TENM2: variants seen among roughly 807,000 people sequenced by gnomAD.
The protein encoded by TENM2 is teneurin-2.
Under a neutral mutation model 245.2 loss-of-function variants are expected in TENM2, and 52 were observed. That is an observed-to-expected ratio of 0.21 (90% CI 0.17 to 0.27). TENM2 has a LOEUF of 0.27. TENM2 is among the 10% of genes least tolerant of loss of function. The pLI is 1.00. For synonymous variants in TENM2, 1,363 were observed against 1,438.9 expected (o/e 0.95, Z 1.19); for missense variants, 3,046 against 3,666.8 (o/e 0.83, Z 4.37).
chr5:167,834,799 G>A (rs950630883), intron 2 of TENM2, among the ~76,000 whole-genome samples: 2 of 152,014 alleles, frequency 1.3e-5, no homozygotes, highest in Non-Finnish European at 2.9e-5. Flanking sequence ...ACAGGCGCCC[G>A]CCACCACGCC....
intron 2 of TENM2, among the ~76,000 whole-genome samples, chr5:167,760,138 G>A (rs1371991992): frequency 6.6e-6 from 1 of 152,090 alleles, no homozygotes; most frequent in Non-Finnish European, 1.5e-5. Flanking sequence ...CTCTTCACTG[G>A]TTAAAACTCC....
the TENM2 span, among the ~76,000 whole-genome samples, chr5:167,182,750 G>A: frequency 2.6e-5 from 4 of 152,056 alleles, no homozygotes; most frequent in African/African-American, 7.2e-5. Flanking sequence ...CAGACGTGGT[G>A]ATACCAGATC....
chr5:167,961,939 T>G (rs1383893641), intron 4 of TENM2, among the ~76,000 whole-genome samples: 5 of 152,182 alleles, frequency 3.3e-5, no homozygotes, highest in Non-Finnish European at 7.3e-5. Context: ...TGGCAATGAG[T>G]CTTCCCTTAG....
chr5:167,617,189 T>C (rs1471473711), intron 2 of TENM2, among the ~76,000 whole-genome samples: 2 of 152,274 alleles, frequency 1.3e-5, no homozygotes, highest in East Asian at 3.9e-4. Flanking sequence ...TAATGTATTT[T>C]CTCTGCATTT....
At chr5:167,549,633 G>A (rs1228026317) in intron 2 of TENM2, among the ~76,000 whole-genome samples, 3 of 152,006 alleles carry the variant, frequency 2.0e-5, no homozygotes, top group Admixed American at 6.6e-5. Context: ...TCTCAATAAT[G>A]GCAATGGAGA....
intron 3 of TENM2, among the ~76,000 whole-genome samples, chr5:167,912,496 T>C (rs1776624317): frequency 6.6e-6 from 1 of 152,214 alleles, no homozygotes; most frequent in South Asian, 2.1e-4. Context: ...TGGTAGCACA[T>C]AGTAGTCACT....
the TENM2 span, among the ~76,000 whole-genome samples, chr5:167,044,260 A>G: frequency 0.63 from 95,547 of 151,980 alleles, 32,101 homozygotes; most frequent in African/African-American, 0.88. Flanking sequence ...TTAGGAGAGG[A>G]ACAAAGGAAA....
chr5:168,016,572 A>ATG (rs1449198918), intron 5 of TENM2, among the ~76,000 whole-genome samples: 1 of 152,194 alleles, frequency 6.6e-6, no homozygotes, highest in African/African-American at 2.4e-5. Context: ...TCCAACACCC[A>ATG]TGTTAACGTA....
At chr5:168,048,726 T>G (rs1325442501) in intron 6 of TENM2, among the ~76,000 whole-genome samples, 1 of 152,228 alleles carries the variant, frequency 6.6e-6, no homozygotes, top group African/African-American at 2.4e-5. Context: ...GAGATGCTAA[T>G]GCTGCTTCAA....
At chr5:168,208,021 C>A (rs1005230738) in intron 19 of TENM2, among the ~76,000 whole-genome samples, 2 of 152,200 alleles carry the variant, frequency 1.3e-5, no homozygotes, top group Non-Finnish European at 2.9e-5. Context: ...GTTCCCACTG[C>A]CCATTCCAAG....
chr5:167,543,198 C>T lies in TENM2; in HGVS notation c.502+167725C>T, dbSNP rs1772328507. 2.0e-5 allele frequency among the ~76,000 whole-genome samples: 3 copies of T among 152,164 alleles called. No homozygotes were observed. In the South Asian group the frequency reaches 6.2e-4, roughly 31 times the overall value. On this transcript the variant is annotated intron_variant, in intron 2 of 28. Transcript: ENST00000518659. ...TCGGAGGGGGTGGTACTCTTATCAT[C>T]CTGCAAGCTAGGCTGAGCTTCCTCA... is the stretch of plus-strand genomic sequence containing the variant.
intron 2 of TENM2, among the ~76,000 whole-genome samples, chr5:167,699,589 A>G (rs1485001585): frequency 6.6e-6 from 1 of 152,156 alleles, no homozygotes; most frequent in Non-Finnish European, 1.5e-5. Flanking sequence ...GCCAGATAGA[A>G]CTAGAACAAT....
At chr5:167,609,508 A>AAAAAAAAAAC in intron 2 of TENM2, among the ~76,000 whole-genome samples, 2 of 72,782 alleles carry the variant, frequency 2.7e-5, no homozygotes, top group Non-Finnish European at 6.0e-5. Flanking sequence ...AAAAAAAAAA[A>AAAAAAAAAAC]AAAACAAAAC....
intron 17 of TENM2, among the ~76,000 whole-genome samples, chr5:168,200,436 G>C (rs2152531175): frequency 6.6e-6 from 1 of 152,290 alleles, no homozygotes; most frequent in Admixed American, 6.5e-5. Context: ...TCCTCTGCAG[G>C]GCAGCATTTA....
At chr5:167,092,898 T>C in the TENM2 span, among the ~76,000 whole-genome samples, 164 of 152,164 alleles carry the variant, frequency 1.1e-3, no homozygotes, top group African/African-American at 3.9e-3. Context: ...AATTCGAGGG[T>C]GAAGATGATA....
chr5:167,782,133 G>A (rs1764227628), intron 2 of TENM2, among the ~76,000 whole-genome samples: 1 of 151,724 alleles, frequency 6.6e-6, no homozygotes, highest in Non-Finnish European at 1.5e-5. Context: ...GACCAACATG[G>A]AGAAACCCAG....
intron 2 of TENM2, among the ~76,000 whole-genome samples, chr5:167,551,880 C>A (rs554385061): frequency 6.6e-6 from 1 of 152,082 alleles, no homozygotes; most frequent in Non-Finnish European, 1.5e-5. Context: ...CATGAAGTCT[C>A]CCAAGTTGGT....
chr5:168,007,551 A>G (rs974550144), intron 5 of TENM2, among the ~76,000 whole-genome samples: 13 of 152,178 alleles, frequency 8.5e-5, no homozygotes, highest in Admixed American at 6.5e-5. Context: ...AGTTTCAGTC[A>G]TGATCTGAGA....
chr5:167,265,976 T>TCA, the TENM2 span, among the ~76,000 whole-genome samples: 6 of 152,166 alleles, frequency 3.9e-5, no homozygotes, highest in South Asian at 4.1e-4. Context: ...TTATATTAAT[T>TCA]GTCTCCCCAA....
Sources: allele counts gnomAD v4.1 joint callset (sites outside exome capture counted in the v4.1 genomes callset), GRCh38; gene constraint gnomAD v4.1.1; transcripts MANE v1.5; gene names NCBI Gene and HGNC (gene_info 2026-07-23, HGNC 2026-07-21).